BMAL2: variants seen among roughly 807,000 people sequenced by gnomAD.
BMAL2 encodes basic helix-loop-helix ARNT like 2, also known as basic helix-loop-helix ARNT-like protein 2.
chr12:27,389,117 G>A, the BMAL2 span: 1 of 1,036,386 alleles, frequency 9.6e-7, no homozygotes, highest in Non-Finnish European at 1.5e-6. Flanking sequence ...TTTATTGTAT[G>A]CATCAAGAAA....
At chr12:27,334,222 G>T in the BMAL2 span, among the ~76,000 whole-genome samples, 2 of 152,150 alleles carry the variant, frequency 1.3e-5, no homozygotes. Context: ...GTGTTTATAA[G>T]CTCTGACACC....
the BMAL2 span, among the ~76,000 whole-genome samples, chr12:27,338,803 T>G: frequency 2.0e-5 from 3 of 152,280 alleles, no homozygotes; most frequent in East Asian, 5.8e-4. Context: ...AGGCAAATTA[T>G]GGCATATTTC....
chr12:27,403,496 G>A, the BMAL2 span: 1 of 1,611,224 alleles, frequency 6.2e-7, no homozygotes, highest in Non-Finnish European at 8.5e-7. Flanking sequence ...CTTGGTGCTG[G>A]TAGTATTGGA....
the BMAL2 span, among the ~76,000 whole-genome samples, chr12:27,334,627 C>G: frequency 1.3e-5 from 2 of 152,116 alleles, no homozygotes; most frequent in African/African-American, 4.8e-5. Flanking sequence ...ATAAGTCTTA[C>G]GAACTTACAA....
At chr12:27,425,227 A>T in the BMAL2 span, 2 of 152,048 alleles carry the variant, frequency 1.3e-5, no homozygotes, top group Admixed American at 1.3e-4. Flanking sequence ...GAGTGAAATT[A>T]TATTTTATAA....
the BMAL2 span, among the ~76,000 whole-genome samples, chr12:27,340,447 C>G: frequency 6.6e-6 from 1 of 152,146 alleles, no homozygotes; most frequent in African/African-American, 2.4e-5. Flanking sequence ...GCTCTCTATT[C>G]TGTTCCAATA....
At chr12:27,352,237 A>G in the BMAL2 span, among the ~76,000 whole-genome samples, 8 of 152,354 alleles carry the variant, frequency 5.3e-5, no homozygotes, top group East Asian at 1.5e-3. Context: ...TTCTGGGAAC[A>G]TTATATACAA....
At chr12:27,364,296 G>T in the BMAL2 span, among the ~76,000 whole-genome samples, 1 of 152,192 alleles carries the variant, frequency 6.6e-6, no homozygotes, top group South Asian at 2.1e-4. Flanking sequence ...AAAGTTTTCT[G>T]TATTCTGTTT....
At chr12:27,356,550 A>G in the BMAL2 span, among the ~76,000 whole-genome samples, 1 of 152,188 alleles carries the variant, frequency 6.6e-6, no homozygotes, top group Non-Finnish European at 1.5e-5. Context: ...TATGTCTTAC[A>G]AAAGTAAGAC....
the BMAL2 span, chr12:27,333,080 C>T: frequency 1.7e-6 from 2 of 1,205,014 alleles, no homozygotes; most frequent in Admixed American, 8.9e-5. Flanking sequence ...GCGATGGCGG[C>T]GGAAGAGGAG....
At chr12:27,407,278 A>G in the BMAL2 span, among the ~76,000 whole-genome samples, 1 of 152,254 alleles carries the variant, frequency 6.6e-6, no homozygotes. Context: ...GCCCCGAATC[A>G]ACAGAATATA....
At chr12:27,396,837 T>C in the BMAL2 span, among the ~76,000 whole-genome samples, 9,229 of 152,286 alleles carry the variant, frequency 0.061, 437 homozygotes, top group Non-Finnish European at 0.086. Context: ...TTGCAGGACC[T>C]GGTTTGAGAA....
chr12:27,347,603 T>C, the BMAL2 span, among the ~76,000 whole-genome samples: 125 of 152,336 alleles, frequency 8.2e-4, no homozygotes, highest in African/African-American at 3.0e-3. Flanking sequence ...TATAGGGGAA[T>C]AGACTAGCTT....
chr12:27,390,356 A>T, the BMAL2 span: 3 of 1,191,034 alleles, frequency 2.5e-6, no homozygotes, highest in East Asian at 7.7e-5. Context: ...ATTCAAAAGC[A>T]TCTTAAAAAT....
chr12:27,415,599 A>G, the BMAL2 span, among the ~76,000 whole-genome samples: 6 of 152,128 alleles, frequency 3.9e-5, no homozygotes, highest in East Asian at 1.9e-4. Context: ...TATTCTATTA[A>G]CACATGCTAT....
the BMAL2 span, among the ~76,000 whole-genome samples, chr12:27,367,893 G>A: frequency 2.2e-4 from 34 of 151,696 alleles, no homozygotes; most frequent in Non-Finnish European, 3.7e-4. Flanking sequence ...TGCCCAGGCT[G>A]GAGTACAGTA....
the BMAL2 span, among the ~76,000 whole-genome samples, chr12:27,420,019 G>GCGCACGCACACA: frequency 1.4e-5 from 2 of 147,478 alleles, no homozygotes; most frequent in South Asian, 2.2e-4. Flanking sequence ...GTTTGCGCGT[G>GCGCACGCACACA]CACACACACA....
At chr12:27,397,515 G>C in the BMAL2 span, among the ~76,000 whole-genome samples, 1 of 152,174 alleles carries the variant, frequency 6.6e-6, no homozygotes, top group Non-Finnish European at 1.5e-5. Flanking sequence ...TTAATTGGAA[G>C]TTGAATTTAA....
chr12:27,342,024 C>T, the BMAL2 span, among the ~76,000 whole-genome samples: 4 of 151,414 alleles, frequency 2.6e-5, no homozygotes, highest in South Asian at 8.4e-4. Flanking sequence ...GCAACCTCCA[C>T]CTCCTGGGTT....
Sources: gnomAD v4.1 joint callset for allele counts (sites outside exome capture counted in the v4.1 genomes callset) on GRCh38, gnomAD v4.1.1 for gene constraint, MANE v1.5 for transcripts, NCBI Gene and HGNC (gene_info 2026-07-23, HGNC 2026-07-21) for gene names.